The following NELL1 variants were observed in gnomAD, a reference collection of about 807,000 sequenced individuals.
The protein encoded by NELL1 is neural EGFL like 1.
Under a neutral mutation model 107.4 loss-of-function variants are expected in NELL1, and 76 were observed. The observed-to-expected ratio is 0.71, with a 90% CI of 0.59 to 0.86. The LOEUF is 0.86. NELL1 is among the 40% of genes least tolerant of loss of function. NELL1 has a pLI of 0.00. For missense variants in NELL1, 1,024 were observed against 1,005.5 expected, an observed-to-expected ratio of 1.02 and a Z score of -0.25; for synonymous variants, 353 against 341.2, an observed-to-expected ratio of 1.03 and a Z score of -0.38.
At chr11:21,106,576 G>A (rs1315882256) in intron 12 of NELL1, among the ~76,000 whole-genome samples, 1 of 152,096 alleles carries the variant, frequency 6.6e-6, no homozygotes, top group Non-Finnish European at 1.5e-5. Context: ...TTATAAAAGA[G>A]ATCCATTCCA....
At chr11:21,242,475 C>T (rs1858388988) in intron 14 of NELL1, among the ~76,000 whole-genome samples, 1 of 152,114 alleles carries the variant, frequency 6.6e-6, no homozygotes, top group African/African-American at 2.4e-5. Context: ...TATGTGTGCC[C>T]AGGAAGCAGG....
chr11:21,309,259 T>G (rs912396185), intron 14 of NELL1, among the ~76,000 whole-genome samples: 1 of 42,076 alleles, frequency 2.4e-5, no homozygotes, highest in Non-Finnish European at 5.0e-5. Flanking sequence ...AATATATATA[T>G]GTATATATAT....
intron 9 of NELL1, among the ~76,000 whole-genome samples, chr11:20,936,052 G>T (rs972150875): frequency 6.6e-6 from 1 of 152,158 alleles, no homozygotes; most frequent in African/African-American, 2.4e-5. Context: ...TTATTAGGAA[G>T]TGCTCTCAGG....
At chr11:20,944,363 C>T (rs1219475784) in intron 10 of NELL1, among the ~76,000 whole-genome samples, 3 of 152,070 alleles carry the variant, frequency 2.0e-5, no homozygotes, top group Admixed American at 6.5e-5. Flanking sequence ...AATAAACTCT[C>T]CTAGCAGTCT....
intron 15 of NELL1, among the ~76,000 whole-genome samples, chr11:21,376,069 A>AT (rs1448858220): frequency 2.0e-5 from 3 of 152,028 alleles, no homozygotes; most frequent in Non-Finnish European, 4.4e-5. Flanking sequence ...CTACTTGTCA[A>AT]TTTTTGTTTT....
intron 2 of NELL1, among the ~76,000 whole-genome samples, chr11:20,695,432 C>T (rs919793706): frequency 1.3e-5 from 2 of 152,046 alleles, no homozygotes; most frequent in Non-Finnish European, 2.9e-5. Flanking sequence ...TATGGGTTTG[C>T]ATAGATGACT....
chr11:21,313,028 A>G (rs1849783542), intron 14 of NELL1, among the ~76,000 whole-genome samples: 1 of 151,018 alleles, frequency 6.6e-6, no homozygotes, highest in Non-Finnish European at 1.5e-5. Context: ...ATGAGCCAAG[A>G]TCATGCCACT....
At chr11:20,867,686 A>G (rs1214893438) in intron 4 of NELL1, among the ~76,000 whole-genome samples, 1 of 152,208 alleles carries the variant, frequency 6.6e-6, no homozygotes, top group Non-Finnish European at 1.5e-5. Flanking sequence ...TACGGTGTGC[A>G]TATGGAGGAA....
chr11:21,400,798 C>T (rs979575501), intron 15 of NELL1, among the ~76,000 whole-genome samples: 5 of 151,926 alleles, frequency 3.3e-5, no homozygotes, highest in Admixed American at 3.3e-4. Context: ...GCTCTTCTCC[C>T]TCTGTATGCC....
intron 12 of NELL1, among the ~76,000 whole-genome samples, chr11:21,013,500 C>T (rs982980938): frequency 1.2e-4 from 18 of 152,112 alleles, no homozygotes; most frequent in African/African-American, 4.3e-4. Flanking sequence ...AAGATATCAC[C>T]TGCCTATGGC....
At chr11:20,921,814 T>TTA (rs58518524) in intron 7 of NELL1, among the ~76,000 whole-genome samples, 1 of 150,964 alleles carries the variant, frequency 6.6e-6, no homozygotes, top group East Asian at 1.9e-4. Context: ...TTTTTTTTTT[T>TTA]AAGAACAGTG....
chr11:20,792,124 AGC>A (rs2133992019), intron 3 of NELL1, among the ~76,000 whole-genome samples: 1 of 152,028 alleles, frequency 6.6e-6, no homozygotes, highest in African/African-American at 2.4e-5. Flanking sequence ...TTTGAGTTTT[AGC>A]TGATTTTTAA....
chr11:21,327,962 G>A (rs1352918241), intron 14 of NELL1, among the ~76,000 whole-genome samples: 1 of 152,166 alleles, frequency 6.6e-6, no homozygotes, highest in Non-Finnish European at 1.5e-5. Flanking sequence ...TGTTCAAGAG[G>A]AAGCAGAGCA....
intron 14 of NELL1, chr11:21,284,346 A>G (rs1167228811): frequency 2.2e-6 from 1 of 457,122 alleles, no homozygotes; most frequent in Non-Finnish European, 4.4e-6. Context: ...GGAGTGACAG[A>G]GAGCCTAAAG....
intron 13 of NELL1, among the ~76,000 whole-genome samples, chr11:21,195,543 TTC>T (rs1233753924): frequency 1.4e-5 from 2 of 144,458 alleles, no homozygotes; most frequent in Admixed American, 1.4e-4. Context: ...AGATATAATT[TTC>T]TGTTAGCCAC....
intron 14 of NELL1, among the ~76,000 whole-genome samples, chr11:21,298,590 CT>C (rs1369600847): frequency 1.3e-4 from 19 of 151,924 alleles, no homozygotes; most frequent in African/African-American, 3.6e-4. Flanking sequence ...GTCAGCCTTC[CT>C]AGAGCAGGTG....
chr11:20,983,918 G>A (rs1233727709), intron 12 of NELL1, among the ~76,000 whole-genome samples: 3 of 152,078 alleles, frequency 2.0e-5, no homozygotes, highest in African/African-American at 4.8e-5. Context: ...ATCTCATTTT[G>A]CACCATGCTG....
intron 15 of NELL1, among the ~76,000 whole-genome samples, chr11:21,426,911 G>A (rs1852836338): frequency 6.6e-6 from 1 of 152,132 alleles, no homozygotes; most frequent in South Asian, 2.1e-4. Context: ...ATAATATGGA[G>A]CTTATGGGAG....
chr11:21,081,415 A>G (rs1854266241), intron 12 of NELL1, among the ~76,000 whole-genome samples: 1 of 152,094 alleles, frequency 6.6e-6, no homozygotes, highest in African/African-American at 2.4e-5. Context: ...GAAGGTGATC[A>G]CAGATCAACA....
Sources: gnomAD v4.1 joint callset for allele counts (sites outside exome capture counted in the v4.1 genomes callset) on GRCh38, gnomAD v4.1.1 for gene constraint, MANE v1.5 for transcripts, NCBI Gene and HGNC (gene_info 2026-07-23, HGNC 2026-07-21) for gene names.